Variants in ESRRG observed in about 807,000 individuals in gnomAD.
ESRRG encodes the protein estrogen-related receptor gamma.
Under a neutral mutation model 44.0 loss-of-function variants are expected in ESRRG, and 13 were observed. The observed-to-expected ratio is 0.30, with a 90% confidence interval of 0.19 to 0.47. ESRRG has a LOEUF of 0.47. ESRRG is among the 20% of genes least tolerant of loss of function. ESRRG has a pLI of 1.00. For missense variants in ESRRG, 395 were observed against 580.6 expected (o/e 0.68, Z 3.29); for synonymous variants, 215 against 214.6 (o/e 1.00, Z -0.02).
At chr1:216,543,163 A>T (rs2149291640) in intron 5 of ESRRG, among the ~76,000 whole-genome samples, 1 of 152,124 alleles carries the variant, frequency 6.6e-6, no homozygotes, top group East Asian at 1.9e-4. Context: ...AATCACTGAC[A>T]AGAAATTGTG....
chr1:216,919,494 C>T (rs924000012), intron 2 of ESRRG, among the ~76,000 whole-genome samples: 6 of 152,160 alleles, frequency 3.9e-5, no homozygotes, highest in Admixed American at 1.3e-4. Flanking sequence ...TGAACACCAA[C>T]CAGTATAAAT....
At chr1:216,623,795 A>G (rs916986815) in intron 3 of ESRRG, among the ~76,000 whole-genome samples, 1 of 152,192 alleles carries the variant, frequency 6.6e-6, no homozygotes, top group African/African-American at 2.4e-5. Flanking sequence ...TACAGGCTGG[A>G]ATGGGCATGA....
intron 2 of ESRRG, among the ~76,000 whole-genome samples, chr1:216,764,306 G>T (rs1181889567): frequency 1.4e-5 from 2 of 142,528 alleles, no homozygotes; most frequent in East Asian, 4.1e-4. Context: ...GTCTTGTTTT[G>T]TCCCCCAAGG....
intron 6 of ESRRG, among the ~76,000 whole-genome samples, chr1:216,512,382 G>C (rs1203708146): frequency 6.6e-6 from 1 of 151,992 alleles, no homozygotes; most frequent in African/African-American, 2.4e-5. Flanking sequence ...CAAATGCCCT[G>C]GCATCTTCAA....
chr1:216,549,641 T>A (rs1169963563), intron 5 of ESRRG, among the ~76,000 whole-genome samples: 1 of 152,112 alleles, frequency 6.6e-6, no homozygotes, highest in African/African-American at 2.4e-5. Flanking sequence ...CTCTTTCTCT[T>A]TCTTGGCCAT....
At chr1:216,657,793 C>A (rs1490619489) in intron 2 of ESRRG, among the ~76,000 whole-genome samples, 3 of 152,080 alleles carry the variant, frequency 2.0e-5, no homozygotes, top group African/African-American at 4.8e-5. Context: ...AAGTCTCATG[C>A]TCTTTGCCTC....
At chr1:216,941,476 C>T (rs994926196) in intron 1 of ESRRG, among the ~76,000 whole-genome samples, 9 of 152,060 alleles carry the variant, frequency 5.9e-5, no homozygotes, top group South Asian at 2.1e-4. Flanking sequence ...TTTGAAATAA[C>T]GTTAATGTTA....
At chr1:217,077,987 G>A (rs940877262) in intron 1 of ESRRG, 1 of 152,220 alleles carries the variant, frequency 6.6e-6, no homozygotes, top group East Asian at 1.9e-4. Context: ...TGTATCAGAA[G>A]CTAGAATTGA....
chr1:217,002,231 G>A (rs2077116348), intron 1 of ESRRG, among the ~76,000 whole-genome samples: 1 of 150,136 alleles, frequency 6.7e-6, no homozygotes, highest in South Asian at 2.1e-4. Context: ...GAACCCAGGA[G>A]GCAGAGCTGG....
chr1:216,873,617 A>G (rs1282175326), intron 2 of ESRRG, among the ~76,000 whole-genome samples: 2 of 151,814 alleles, frequency 1.3e-5, no homozygotes, highest in African/African-American at 4.8e-5. Flanking sequence ...TCCTCCAACT[A>G]GAAATCTGGG....
chr1:216,589,604 C>T (rs1235388845), intron 3 of ESRRG, among the ~76,000 whole-genome samples: 2 of 151,926 alleles, frequency 1.3e-5, no homozygotes, highest in African/African-American at 2.4e-5. Context: ...GACTACTGTA[C>T]CATCCAAACT....
At chr1:216,972,455 A>T (rs1465443820) in intron 1 of ESRRG, among the ~76,000 whole-genome samples, 3 of 152,174 alleles carry the variant, frequency 2.0e-5, no homozygotes, top group African/African-American at 7.2e-5. Context: ...ACACAGTCAA[A>T]TGTACTTCAC....
At chr1:216,591,695 T>C (rs955917865) in intron 3 of ESRRG, among the ~76,000 whole-genome samples, 2 of 151,282 alleles carry the variant, frequency 1.3e-5, no homozygotes, top group African/African-American at 4.9e-5. Context: ...GAACCAAGAG[T>C]TATGGGGATG....
intron 1 of ESRRG, among the ~76,000 whole-genome samples, chr1:216,711,540 A>G (rs548017231): frequency 2.7e-4 from 41 of 152,250 alleles, no homozygotes; most frequent in Non-Finnish European, 4.7e-4. Context: ...CTAGGTCACT[A>G]CTGTGTTCTA....
intron 2 of ESRRG, among the ~76,000 whole-genome samples, chr1:216,767,016 T>C (rs1299566326): frequency 6.6e-6 from 1 of 152,128 alleles, no homozygotes; most frequent in Admixed American, 6.6e-5. Flanking sequence ...ACTTAAGAAC[T>C]AGAGGTGATC....
chr1:216,581,941 A>G (rs1484971804), intron 3 of ESRRG, among the ~76,000 whole-genome samples: 1 of 152,246 alleles, frequency 6.6e-6, no homozygotes, highest in Admixed American at 6.5e-5. Context: ...AAAGTTACAC[A>G]GGGGCTAAAT....
At chr1:216,609,420 C>T (rs917002281) in intron 3 of ESRRG, among the ~76,000 whole-genome samples, 1 of 152,208 alleles carries the variant, frequency 6.6e-6, no homozygotes, top group Non-Finnish European at 1.5e-5. Flanking sequence ...GTGGGTCACA[C>T]CTTTATCTAC....
At chr1:216,809,184 T>C (rs2094892178) in intron 2 of ESRRG, among the ~76,000 whole-genome samples, 1 of 152,166 alleles carries the variant, frequency 6.6e-6, no homozygotes, top group African/African-American at 2.4e-5. Context: ...GAAAGGACAA[T>C]TAAGCCAAGG....
chr1:217,012,118 A>G (rs2078708097), intron 1 of ESRRG, among the ~76,000 whole-genome samples: 1 of 152,146 alleles, frequency 6.6e-6, no homozygotes, highest in South Asian at 2.1e-4. Context: ...CATGAAAGTG[A>G]GGTGACCTAG....
Sources: allele counts gnomAD v4.1 joint callset (sites outside exome capture counted in the v4.1 genomes callset), GRCh38; gene constraint gnomAD v4.1.1; transcripts MANE v1.5; gene names NCBI Gene and HGNC (gene_info 2026-07-23, HGNC 2026-07-21).